Variants in PPP4R1 observed in about 807,000 individuals in gnomAD.
The protein encoded by PPP4R1 is protein phosphatase 4 regulatory subunit 1.
A neutral mutation model predicts 111.2 loss-of-function variants in PPP4R1; 42 were observed. The observed-to-expected ratio is 0.38, with a 90% CI of 0.29 to 0.49. The LOEUF is 0.49. PPP4R1 is among the 20% of genes least tolerant of loss of function. The pLI, the probability that PPP4R1 is intolerant of heterozygous loss-of-function variation, is 0.97. For synonymous variants in PPP4R1, 409 were observed against 405.5 expected, an observed-to-expected ratio of 1.01 and a Z score of -0.10; for missense variants, 1,012 against 1,161.6, an observed-to-expected ratio of 0.87 and a Z score of 1.87.
intron 10 of PPP4R1, among the ~76,000 whole-genome samples, chr18:9,572,256 G>A (rs986008455): frequency 6.6e-6 from 1 of 151,982 alleles, no homozygotes; most frequent in African/African-American, 2.4e-5. Flanking sequence ...CATATGCGGA[G>A]GCAACAAGTA....
chr18:9,614,293 A>G lies in PPP4R1; in HGVS notation c.8-23T>C. The G allele has an allele frequency of 8.0e-7, 1 of 1,249,820 alleles. No homozygotes were observed. Among genetic ancestry groups the G allele is most frequent in the Admixed American group, 3.8e-5 (1 of 26,646 alleles). The allele number at this position is 1,249,820 out of a possible 1,614,324, so 77.4% of individuals were successfully genotyped here. Reference sequence around the variant, plus strand: ...GGTCTGCGCCGAGGGGAGAGAAGAAAGGCCCGGTCAGCGCCCCGGGGCCCG... The same window carrying G: ...GGTCTGCGCCGAGGGGAGAGAAGAAGGGCCCGGTCAGCGCCCCGGGGCCCG... On this transcript the variant is annotated intron_variant, in intron 1 of 19. Transcript: ENST00000400556. This position sits in a 1 kb window ranked among gnomAD's most constrained non-coding sequence, Gnocchi z 4.1.
chr18:9,567,067 T>C (rs1279539598), intron 11 of PPP4R1, among the ~76,000 whole-genome samples: 2 of 152,198 alleles, frequency 1.3e-5, no homozygotes, highest in African/African-American at 4.8e-5. Context: ...CTGCCATAAA[T>C]AGTGATTTCT....
At chr18:9,573,504 A>T (rs776176658) in intron 10 of PPP4R1, among the ~76,000 whole-genome samples, 11 of 152,234 alleles carry the variant, frequency 7.2e-5, no homozygotes, top group Non-Finnish European at 1.3e-4. Context: ...AATTATAATA[A>T]GATATTGTTC....
intron 4 of PPP4R1, among the ~76,000 whole-genome samples, chr18:9,593,238 T>C (rs1027076358): frequency 3.9e-5 from 6 of 152,210 alleles, no homozygotes; most frequent in Non-Finnish European, 8.8e-5. Context: ...TATATTTTAC[T>C]ACAACAAAAG....
chr18:9,574,469 C>G (rs1201701894), intron 10 of PPP4R1, among the ~76,000 whole-genome samples: 1 of 152,094 alleles, frequency 6.6e-6, no homozygotes, highest in Non-Finnish European at 1.5e-5. Context: ...TGAAATATTT[C>G]CAAATTTGTG....
intron 11 of PPP4R1, 89 bp downstream of exon 11, chr18:9,570,068 G>T: frequency 7.3e-7 from 1 of 1,375,118 alleles, no homozygotes; most frequent in South Asian, 1.6e-5. Flanking sequence ...ATTATTAAAT[G>T]ACAATTTTTT....
intron 15 of PPP4R1, among the ~76,000 whole-genome samples, chr18:9,554,288 C>T (rs529744626): frequency 5.3e-5 from 8 of 151,988 alleles, no homozygotes; most frequent in Admixed American, 3.3e-4. Context: ...CCACCACGCC[C>T]GGCTAATTTT....
intron 3 of PPP4R1, among the ~76,000 whole-genome samples, chr18:9,594,534 T>A (rs966424855): frequency 3.9e-5 from 6 of 152,192 alleles, no homozygotes; most frequent in Non-Finnish European, 7.4e-5. Context: ...TTTGCATAGC[T>A]ATACCCAAAA....
chr18:9,602,270 G>T (rs570613622), intron 2 of PPP4R1, among the ~76,000 whole-genome samples: 1 of 147,376 alleles, frequency 6.8e-6, no homozygotes, highest in Admixed American at 6.8e-5. Context: ...GGTGGCTCAC[G>T]CCTGTAATCC....
chr18:9,597,551 C>T (rs1238139715), intron 2 of PPP4R1, among the ~76,000 whole-genome samples: 1 of 152,098 alleles, frequency 6.6e-6, no homozygotes, highest in Non-Finnish European at 1.5e-5. Context: ...AACGAATCCT[C>T]GATTATCACA....
chr18:9,598,359 A>G (rs1350716817), intron 2 of PPP4R1, among the ~76,000 whole-genome samples: 1 of 152,240 alleles, frequency 6.6e-6, no homozygotes, highest in East Asian at 1.9e-4. Context: ...CATGAAGAAA[A>G]GTATACCAAG....
Position 9,614,202 on chromosome 18 carries a change from C to T in PPP4R1, c.52+24G>A. 1.5e-6 allele frequency: 2 copies of T among 1,351,906 alleles called. No individual in the cohort carries two copies. Among genetic ancestry groups the T allele is most frequent in the Non-Finnish European group, 1.9e-6 (2 of 1,038,850 alleles). The allele number at this position is 1,351,906 out of a possible 1,614,324, so 83.7% of individuals were successfully genotyped here. A position where few individuals can be genotyped will look rare whatever the true frequency, so the allele number is the denominator to read the frequency against. On this transcript the variant is annotated intron_variant, in intron 2 of 19. Transcript: ENST00000400556. The surrounding 1 kb of genome is among the most constrained non-coding windows in gnomAD (Gnocchi z 4.1). ...CGGCCGCTCCCCGCGGACTGCCAGG[C>T]CACCGCGAGGCCGGGCCACTCACAT...
Position 9,555,324 on chromosome 18 carries a change from A to T in PPP4R1, c.2190+1897T>A, listed in dbSNP as rs963544603. On this transcript the variant is annotated intron_variant, in intron 15 of 19. Transcript: ENST00000400556. ...CTCAAAATAAGTAAGTTAATTAATT[A>T]AAAAAAAACAGAAAGAATTATGAAA... Among the ~76,000 whole-genome samples, 4 of 151,102 alleles carry T rather than the reference A, an allele frequency of 2.6e-5. No homozygotes were observed. The East Asian group carries it at 5.8e-4, about 22-fold the overall frequency.
intron 2 of PPP4R1, among the ~76,000 whole-genome samples, chr18:9,609,998 T>C (rs2067550054): frequency 6.6e-6 from 1 of 152,246 alleles, no homozygotes; most frequent in Admixed American, 6.5e-5. Context: ...GAATAACCTG[T>C]GTATGAAAGG....
intron 6 of PPP4R1, 48 bp from the exon 7 acceptor site, chr18:9,584,876 C>T: frequency 7.3e-7 from 1 of 1,378,164 alleles, no homozygotes; most frequent in Non-Finnish European, 1.0e-6. Flanking sequence ...AAGTAAGCCT[C>T]TTTCAGTTAA....
intron 4 of PPP4R1, among the ~76,000 whole-genome samples, chr18:9,590,907 A>ATCAC (rs1489457902): frequency 6.6e-6 from 1 of 152,242 alleles, no homozygotes; most frequent in Non-Finnish European, 1.5e-5. Flanking sequence ...TGCAAGAAGC[A>ATCAC]TCACGGAGTG....
intron 2 of PPP4R1, among the ~76,000 whole-genome samples, chr18:9,599,064 G>C (rs1435217250): frequency 6.6e-6 from 1 of 151,950 alleles, no homozygotes; most frequent in East Asian, 1.9e-4. Context: ...GTTAATATGG[G>C]ATAAATAAAA....
At chr18:9,616,561 A>T (rs1598980547), upstream of PPP4R1, among the ~76,000 whole-genome samples, 1 of 152,304 alleles carries the variant, frequency 6.6e-6, no homozygotes, top group East Asian at 1.9e-4. Flanking sequence ...GGTGTGAGCC[A>T]CCAAACCCGG....
At chr18:9,603,987 T>TGAA (rs1339473561) in intron 2 of PPP4R1, among the ~76,000 whole-genome samples, 20 of 152,322 alleles carry the variant, frequency 1.3e-4, no homozygotes, top group African/African-American at 4.8e-4. Context: ...CGGTCTTGCC[T>TGAA]GAATATTTGT....
Sources: gnomAD v4.1 joint callset for allele counts (sites outside exome capture counted in the v4.1 genomes callset) on GRCh38, gnomAD v4.1.1 for gene constraint, Gnocchi (gnomAD v3.1) non-coding constraint, MANE v1.5 for transcripts, NCBI Gene and HGNC (gene_info 2026-07-23, HGNC 2026-07-21) for gene names.